IL1RL2: variants seen among roughly 807,000 people sequenced by gnomAD.
The protein encoded by IL1RL2 is interleukin 1 receptor like 2, also known as interleukin-1 receptor-like 2.
IL1RL2 carries 68 observed loss-of-function variants against 66.8 expected under a neutral mutation model. The observed-to-expected ratio is 1.02, with a 90% CI of 0.84 to 1.25. The LOEUF is 1.25. Among genes scored for constraint, IL1RL2 ranks in the 50% most tolerant of loss-of-function variants. IL1RL2 has a pLI of 0.00. For synonymous variants in IL1RL2, 305 were observed against 264.6 expected (o/e 1.15, Z -1.48); for missense variants, 729 against 709.3 (o/e 1.03, Z -0.32).
At chr2:102,239,078 C>G (rs1675112151) in intron 11 of IL1RL2, 114 bp from the exon 12 acceptor site, 6 of 847,126 alleles carry the variant, frequency 7.1e-6, no homozygotes, top group Non-Finnish European at 1.0e-5. Flanking sequence ...GGATATACCA[C>G]CAGATGAACT....
intron 4 of IL1RL2, among the ~76,000 whole-genome samples, chr2:102,200,830 G>T (rs1230030121): frequency 6.6e-6 from 1 of 152,128 alleles, no homozygotes; most frequent in African/African-American, 2.4e-5. Flanking sequence ...CTTCTGGTTG[G>T]TTGGGTGTGA....
At chr2:102,235,493 C>T (rs1370462630) in intron 11 of IL1RL2, 1 of 985,306 alleles carries the variant, frequency 1.0e-6, no homozygotes. Flanking sequence ...TGCAGAAGGC[C>T]CTCTTTAGCC....
chr2:102,240,361 C>CTT (rs551743835), downstream of IL1RL2, among the ~76,000 whole-genome samples: 7,841 of 79,628 alleles, frequency 0.098, 977 homozygotes, highest in African/African-American at 0.11. Flanking sequence ...TCTTCTCCTC[C>CTT]TTTTTTTTTT....
chr2:102,217,216 G>C (rs1017116105), intron 6 of IL1RL2, among the ~76,000 whole-genome samples: 2 of 152,230 alleles, frequency 1.3e-5, no homozygotes, highest in East Asian at 1.9e-4. Flanking sequence ...ATTTCTGAAA[G>C]ATAGTTTTGC....
chr2:102,220,919 C>A (rs35203853), intron 8 of IL1RL2, among the ~76,000 whole-genome samples: 2,043 of 152,292 alleles, frequency 0.013, 55 homozygotes, highest in African/African-American at 0.046. Flanking sequence ...GTGCCCGTTA[C>A]CTCCCTTAGA....
In IL1RL2 at chr2:102,187,048, C is replaced by T; in HGVS notation, c.-51C>T. On this transcript the variant is annotated 5_prime_UTR_variant, in exon 1 of 12. Transcript: ENST00000264257. ...GCTCGTGTCCCTGTCATATTTTCCACTCTCCACGAGGTCCTGCGCGCTTCA... is the reference window on the plus strand; with the variant it reads ...GCTCGTGTCCCTGTCATATTTTCCATTCTCCACGAGGTCCTGCGCGCTTCA... 5.4e-6 allele frequency: 7 copies of T among 1,289,878 alleles called. No individual in the cohort carries two copies. The highest frequency in any genetic ancestry group is 7.1e-6 in the Non-Finnish European group (7 of 988,864). 79.9% of individuals were successfully genotyped at this position (1,289,878 alleles called of 1,614,324 possible).
intron 5 of IL1RL2, among the ~76,000 whole-genome samples, chr2:102,208,175 A>G (rs549500374): frequency 9.2e-5 from 14 of 152,288 alleles, no homozygotes; most frequent in African/African-American, 3.1e-4. Flanking sequence ...TTTCTGTGAT[A>G]CAGATTTAAA....
rs912257222 is a variant in IL1RL2 at position 102,233,125 on chromosome 2, G to C, written c.1297+1G>C. 3.7e-5 allele frequency: 60 copies of C among 1,609,844 alleles called. No individual in the cohort carries two copies. Among genetic ancestry groups the C allele is most frequent in the Non-Finnish European group, 5.0e-5 (59 of 1,176,712 alleles). Reference sequence around the variant, plus strand: ...GGCAGAGATGAATTCCCTGGACAAGGTGGGTTTTAAGTGAGGTGTAAAAAT... The same window carrying C: ...GGCAGAGATGAATTCCCTGGACAAGCTGGGTTTTAAGTGAGGTGTAAAAAT... On this transcript the variant is annotated splice_donor_variant, in intron 10 of 11. Transcript: ENST00000264257. LOFTEE classifies it high-confidence loss of function.
chr2:102,235,902 C>T, intron 11 of IL1RL2: 1 of 985,458 alleles, frequency 1.0e-6, no homozygotes, highest in Non-Finnish European at 1.2e-6. Flanking sequence ...GTGGCCATGA[C>T]TGCCTCTTGG....
rs1686993429 is a variant in IL1RL2 at position 102,189,111 on chromosome 2, C to T, written c.94C>T (p.Leu32Phe). ...CKDIFMKNEI[L>F]SASQPFAFNC... is the part of the protein sequence containing the mutation. ...GGACATTTTTATGAAAAATGAGATA[C>T]TTTCAGCAAGCCAGCCTTTTGCTTT... The change falls in exon 3 of 12, where the codon CTT becomes TTT. Residue 32 changes from leucine (L) to phenylalanine (F), a missense_variant. Transcript: ENST00000264257. 1.2e-6 allele frequency: 2 copies of T among 1,613,960 alleles called. No individual in the cohort carries two copies. The highest frequency in any genetic ancestry group is 1.7e-6 in the Non-Finnish European group (2 of 1,179,914).
intron 5 of IL1RL2, among the ~76,000 whole-genome samples, chr2:102,201,935 C>T (rs1688295895): frequency 6.6e-6 from 1 of 152,124 alleles, no homozygotes; most frequent in Admixed American, 6.5e-5. Context: ...CAACAGAACA[C>T]TCAAAACTCT....
rs149996167 is a variant in IL1RL2 at position 102,217,248 on chromosome 2, G to A, written c.725-1705G>A. On this transcript the variant is annotated intron_variant, in intron 6 of 11. Transcript: ENST00000264257. Reference sequence around the variant, plus strand: ...TTGCTGGGTATAGTATTCTTGGATAGCAGTTTTTATTTTTGTTCAGCACTG... The same window carrying A: ...TTGCTGGGTATAGTATTCTTGGATAACAGTTTTTATTTTTGTTCAGCACTG... Among the ~76,000 whole-genome samples, 474 of 152,208 alleles carry A rather than the reference G, an allele frequency of 3.1e-3. 3 individuals are homozygous for A. The highest frequency in any genetic ancestry group is 9.4e-3 in the African/African-American group (390 of 41,512).
At chr2:102,214,918 G>A (rs901919073) in intron 6 of IL1RL2, among the ~76,000 whole-genome samples, 9 of 150,802 alleles carry the variant, frequency 6.0e-5, no homozygotes, top group Admixed American at 5.9e-4. Flanking sequence ...GAGGGCGCTG[G>A]AGTGCAGCAT....
intron 4 of IL1RL2, among the ~76,000 whole-genome samples, chr2:102,199,149 C>T (rs1348930878): frequency 2.0e-5 from 3 of 152,128 alleles, no homozygotes; most frequent in Admixed American, 1.3e-4. Flanking sequence ...TACTTGCTAT[C>T]CCTACTTCCC....
In IL1RL2 at chr2:102,219,902, A is replaced by G. The variant is rs1275565869; in HGVS notation, c.876A>G (p.Glu292=). 3.1e-6 allele frequency: 5 copies of G among 1,612,138 alleles called. No individual in the cohort carries two copies. Among genetic ancestry groups the G allele is most frequent in the South Asian group, 2.2e-5 (2 of 91,026 alleles). ...EGVETHVSFR[E]HNLYTVNITF... is the part of the protein sequence containing the mutation. ...ATAGAACCCATGTCTCTTTTCGGGAACATAATTTGTACACAGTAAACATCA... is the reference window on the plus strand; with the variant it reads ...ATAGAACCCATGTCTCTTTTCGGGAGCATAATTTGTACACAGTAAACATCA... The change falls in exon 8 of 12, where the codon GAA becomes GAG. Residue 292 remains glutamate, a synonymous_variant. Transcript: ENST00000264257.
chr2:102,241,054 C>T (rs113261285), downstream of IL1RL2, among the ~76,000 whole-genome samples: 1 of 152,242 alleles, frequency 6.6e-6, no homozygotes, highest in East Asian at 1.9e-4. Flanking sequence ...CACAGAGCCC[C>T]GTTCAGGCTG....
At chr2:102,194,210 T>C (rs1038312454) in intron 4 of IL1RL2, among the ~76,000 whole-genome samples, 3 of 152,230 alleles carry the variant, frequency 2.0e-5, no homozygotes, top group Admixed American at 6.5e-5. Flanking sequence ...TTGAATTTTA[T>C]TTAATTTGAA....
intron 10 of IL1RL2, 100 bp from the exon 11 acceptor site, chr2:102,234,797 A>AT (rs1674706220): frequency 2.6e-6 from 3 of 1,149,166 alleles, no homozygotes; most frequent in Admixed American, 4.6e-5. Context: ...AAAAAAAAAA[A>AT]GTCAATTTTC....
chr2:102,242,963 T>C (rs1195542639), downstream of IL1RL2, among the ~76,000 whole-genome samples: 1 of 152,220 alleles, frequency 6.6e-6, no homozygotes, highest in Non-Finnish European at 1.5e-5. Flanking sequence ...CTTCCAAATT[T>C]CCCTCCAGAA....
Sources: gnomAD v4.1 joint callset for allele counts (sites outside exome capture counted in the v4.1 genomes callset) on GRCh38, gnomAD v4.1.1 for gene constraint, MANE v1.5 for transcripts, NCBI Gene and HGNC (gene_info 2026-07-23, HGNC 2026-07-21) for gene names.